Variants in PLD3 observed in about 807,000 individuals in gnomAD.
PLD3 encodes phospholipase D family member 3, also known as 5'-3' exonuclease PLD3.
A neutral mutation model predicts 58.4 loss-of-function variants in PLD3; 31 were observed. That is an observed-to-expected ratio of 0.53 (90% confidence interval 0.40 to 0.72). The LOEUF (loss-of-function observed/expected upper bound fraction) is 0.72, where lower values mean the gene tolerates loss of function less well. Among genes scored for constraint, PLD3 ranks in the 30% least tolerant of loss-of-function variants. The pLI, the probability that PLD3 is intolerant of heterozygous loss-of-function variation, is 0.00. For synonymous variants in PLD3, 264 were observed against 273.4 expected (o/e 0.97, Z 0.34); for missense variants, 595 against 659.8 (o/e 0.90, Z 1.08).
rs777275623 is a variant in PLD3, at chr19:40,350,965, C to T, written c.-279+2197C>T. On this transcript the variant is annotated intron_variant, in intron 1 of 12. Transcript: ENST00000409735. ...GGAGAAGAGAGAGTAGGGCTGGGCA[C>T]GGTGGCTCACGCCTGTGATCACAGC... Among the ~76,000 whole-genome samples, 108 of 152,020 alleles carry T rather than the reference C, an allele frequency of 7.1e-4. 1 individual carries two copies. The highest frequency in any genetic ancestry group is 4.4e-4 in the Non-Finnish European group (30 of 67,966).
intron 1 of PLD3, among the ~76,000 whole-genome samples, chr19:40,351,522 G>A (rs2078515289): frequency 6.6e-6 from 1 of 152,186 alleles, no homozygotes; most frequent in Non-Finnish European, 1.5e-5. Flanking sequence ...TCCAGCCTGG[G>A]CGACAGCGAG....
intron 1 of PLD3, among the ~76,000 whole-genome samples, chr19:40,350,237 G>A (rs2078469633): frequency 7.9e-6 from 1 of 127,022 alleles, no homozygotes; most frequent in East Asian, 2.6e-4. Context: ...TGTAGCCTGG[G>A]CAACAAGAGC....
intron 1 of PLD3, among the ~76,000 whole-genome samples, chr19:40,352,875 A>G (rs2078553655): frequency 6.6e-6 from 1 of 152,146 alleles, no homozygotes; most frequent in South Asian, 2.1e-4. Context: ...AGGCGAGAGG[A>G]TCACTTGAGC....
intron 1 of PLD3, among the ~76,000 whole-genome samples, chr19:40,352,381 G>A (rs559135608): frequency 6.6e-6 from 1 of 152,132 alleles, no homozygotes. Flanking sequence ...CCCAGACGGT[G>A]GGGGGCAGGC....
chr19:40,370,442 G>A lies in PLD3; in HGVS notation c.678+205G>A, dbSNP rs2079039850. ...AATCTCAACACTTTGGGAGGCCAAG[G>A]TGGGAGGATTGCTTGAGCCCAGGAG... On this transcript the variant is annotated intron_variant, in intron 8 of 12. Transcript: ENST00000409735. The A allele has an allele frequency of 2.3e-5, 11 of 484,228 alleles. No homozygotes were observed. In the South Asian group the frequency reaches 2.8e-4, roughly 12 times the overall value. 30.0% of individuals were successfully genotyped at this position (484,228 alleles called of 1,614,324 possible).
intron 9 of PLD3, 98 bp from the exon 10 acceptor site, chr19:40,374,383 T>A (rs1235732595): frequency 2.3e-6 from 3 of 1,306,654 alleles, no homozygotes; most frequent in Middle Eastern, 4.1e-4. Context: ...TTTGGTGAGA[T>A]CCACAGTACC....
Position 40,376,661 on chromosome 19 carries a change from G to A in PLD3, c.1072G>A (p.Val358Ile), listed in dbSNP as rs370488565. The stretch of plus-strand genomic sequence containing the variant: ...GCGGCGGGCCACCTACGAGCGTGGC[G>A]TCAAGGTGCGCCTGCTCATCAGCTG... ...GLRRATYERGVKVRLLISCWG... is the reference protein window; with the variant it reads ...GLRRATYERGIKVRLLISCWG... Residue 358 changes from valine to isoleucine, a missense_variant, in exon 11 of 13, where the codon GTC becomes ATC. Transcript: ENST00000409735. The A allele has an allele frequency of 2.3e-5, 37 of 1,606,960 alleles. No homozygotes were observed. Among genetic ancestry groups the A allele is most frequent in the Middle Eastern group, 1.6e-4 (1 of 6,084 alleles).
chr19:40,368,766 T>TA (rs950438023), intron 6 of PLD3, among the ~76,000 whole-genome samples: 15 of 149,898 alleles, frequency 1.0e-4, no homozygotes, highest in African/African-American at 2.9e-4. Context: ...CTACTAAAAA[T>TA]AAAAAAAAAT....
chr19:40,369,756 A>T, intron 6 of PLD3, 152 bp from the exon 7 acceptor site: 1 of 675,236 alleles, frequency 1.5e-6, no homozygotes, highest in Non-Finnish European at 2.4e-6. Flanking sequence ...GAAGTCTTTT[A>T]ATATTTTAAT....
At chr19:40,375,565 G>A (rs113973835) in intron 10 of PLD3, among the ~76,000 whole-genome samples, 24,887 of 149,598 alleles carry the variant, frequency 0.17, 2,208 homozygotes, top group Middle Eastern at 0.27. Flanking sequence ...CAGGAGAATC[G>A]CTTGAACCCG....
chr19:40,374,348 C>A, intron 9 of PLD3, 133 bp from the exon 10 acceptor site: 2 of 892,534 alleles, frequency 2.2e-6, no homozygotes, highest in Non-Finnish European at 3.5e-6. Context: ...TGGTGATTGA[C>A]CCTCTTCTTC....
At chr19:40,364,798 C>CAAA (rs1171446806) in intron 1 of PLD3, among the ~76,000 whole-genome samples, 4 of 67,318 alleles carry the variant, frequency 5.9e-5, no homozygotes, top group African/African-American at 2.2e-4. Context: ...ACTGCGTCTC[C>CAAA]AAAAAAAAAA....
rs373540964 is a variant in PLD3 at position 40,372,409 on chromosome 19, A to C, written c.879+536A>C. On this transcript the variant is annotated intron_variant, in intron 9 of 12. Transcript: ENST00000409735. ...CTACGCAGGAGGCTGAGGCAGGGGGATCACTTGAGCCCAGGAAATCTAGGC... is the reference window on the plus strand; with the variant it reads ...CTACGCAGGAGGCTGAGGCAGGGGGCTCACTTGAGCCCAGGAAATCTAGGC... Among the ~76,000 whole-genome samples, 27 of 152,238 alleles carry C rather than the reference A, an allele frequency of 1.8e-4. No homozygotes were observed. In the South Asian group the frequency reaches 5.0e-3, roughly 28 times the overall value.
At chr19:40,349,680 C>T (rs1222690898) in intron 1 of PLD3, among the ~76,000 whole-genome samples, 2 of 152,172 alleles carry the variant, frequency 1.3e-5, no homozygotes, top group South Asian at 2.1e-4. Context: ...CACCCTCGGC[C>T]GGGTGCGGTG....
intron 11 of PLD3, among the ~76,000 whole-genome samples, chr19:40,377,313 T>A (rs1599633439): frequency 1.0e-5 from 1 of 96,298 alleles, no homozygotes; most frequent in African/African-American, 4.4e-5. Flanking sequence ...GGCAGAGGGG[T>A]CAGGGCTGGG....
intron 10 of PLD3, 87 bp downstream of exon 10, chr19:40,374,707 C>A: frequency 1.4e-6 from 2 of 1,476,342 alleles, no homozygotes; most frequent in South Asian, 1.2e-5. Context: ...CTGGTGGGGG[C>A]TCCAGGCAAG....
intron 8 of PLD3, 188 bp from the exon 9 acceptor site, chr19:40,371,485 T>A: frequency 1.7e-6 from 1 of 588,438 alleles, no homozygotes; most frequent in Non-Finnish European, 3.0e-6. Context: ...TCAGGAAACC[T>A]GGAGCTTTGG....
At chr19:40,368,201 C>T (rs1357462910) in intron 6 of PLD3, among the ~76,000 whole-genome samples, 1 of 152,064 alleles carries the variant, frequency 6.6e-6, no homozygotes, top group Non-Finnish European at 1.5e-5. Context: ...AATTAACAGC[C>T]CAGCCTCAAG....
intron 9 of PLD3, among the ~76,000 whole-genome samples, chr19:40,372,297 G>T (rs1022770689): frequency 1.3e-5 from 2 of 151,984 alleles, no homozygotes; most frequent in African/African-American, 4.8e-5. Flanking sequence ...GACCAGCCTG[G>T]ACAACATAGC....
Sources: gnomAD v4.1 joint callset for allele counts (sites outside exome capture counted in the v4.1 genomes callset) on GRCh38, gnomAD v4.1.1 for gene constraint, MANE v1.5 for transcripts, NCBI Gene and HGNC (gene_info 2026-07-23, HGNC 2026-07-21) for gene names.